The following C8orf34 variants were observed in gnomAD, a reference collection of about 807,000 sequenced individuals.
The protein encoded by C8orf34 is uncharacterized protein C8orf34.
In C8orf34, 65 loss-of-function variants were observed where a neutral mutation model predicts 68.3. The observed-to-expected ratio is 0.95, with a 90% CI of 0.78 to 1.17. The LOEUF is 1.17. C8orf34 is among the 50% of genes most tolerant of loss of function. C8orf34 has a pLI of 0.00. For missense variants in C8orf34, 664 were observed against 655.4 expected (o/e 1.01, Z -0.14); for synonymous variants, 244 against 241.2 (o/e 1.01, Z -0.11).
At chr8:68,700,960 C>T (rs182630660) in intron 8 of C8orf34, among the ~76,000 whole-genome samples, 12 of 152,120 alleles carry the variant, frequency 7.9e-5, no homozygotes, top group Non-Finnish European at 4.4e-5. Context: ...CGACTTTAGA[C>T]GAGAAAGATA....
chr8:68,372,235 G>A (rs1240490645), intron 1 of C8orf34, among the ~76,000 whole-genome samples: 1 of 152,150 alleles, frequency 6.6e-6, no homozygotes, highest in Non-Finnish European at 1.5e-5. Context: ...TCATTACAGA[G>A]AATTGATGGC....
chr8:68,745,187 A>C (rs886331266), intron 10 of C8orf34, among the ~76,000 whole-genome samples: 5 of 152,168 alleles, frequency 3.3e-5, no homozygotes, highest in African/African-American at 7.2e-5. Context: ...CAAATGCTGA[A>C]AGATTTTGTC....
At chr8:68,801,935 C>T (rs950786776) in intron 12 of C8orf34, among the ~76,000 whole-genome samples, 6 of 151,448 alleles carry the variant, frequency 4.0e-5, no homozygotes, top group African/African-American at 1.2e-4. Context: ...CTCTCTCACA[C>T]AGGCATGTGC....
chr8:68,787,210 G>C (rs1464096534), intron 11 of C8orf34, among the ~76,000 whole-genome samples: 1 of 152,062 alleles, frequency 6.6e-6, no homozygotes, highest in Non-Finnish European at 1.5e-5. Context: ...TACAGTTCAG[G>C]TGTTTCTTGA....
At chr8:68,635,635 C>T (rs773323346) in intron 7 of C8orf34, among the ~76,000 whole-genome samples, 1 of 152,144 alleles carries the variant, frequency 6.6e-6, no homozygotes, top group African/African-American at 2.4e-5. Context: ...CCATTTAGTA[C>T]AATGCTTCTG....
chr8:68,451,432 A>T (rs191084484), intron 3 of C8orf34, among the ~76,000 whole-genome samples: 2 of 152,256 alleles, frequency 1.3e-5, no homozygotes, highest in African/African-American at 4.8e-5. Flanking sequence ...GTCTTTCAAC[A>T]TGCTTTCCTC....
intron 1 of C8orf34, among the ~76,000 whole-genome samples, chr8:68,415,492 G>GA (rs1434828953): frequency 1.3e-5 from 2 of 149,906 alleles, no homozygotes; most frequent in Admixed American, 6.6e-5. Context: ...GGAAAAAAAA[G>GA]AAAAAAAAAG....
intron 7 of C8orf34, among the ~76,000 whole-genome samples, chr8:68,565,780 TAG>T (rs1816570124): frequency 1.3e-5 from 2 of 152,196 alleles, no homozygotes; most frequent in South Asian, 4.1e-4. Context: ...AAATGAGATT[TAG>T]AGAGTTTGCC....
intron 5 of C8orf34, among the ~76,000 whole-genome samples, chr8:68,504,351 T>C (rs1443888706): frequency 1.3e-5 from 2 of 152,210 alleles, no homozygotes; most frequent in Non-Finnish European, 2.9e-5. Flanking sequence ...TTGAGTTGTT[T>C]CTACTTTTCA....
At chr8:68,568,248 G>A (rs187159824) in intron 7 of C8orf34, among the ~76,000 whole-genome samples, 28 of 151,686 alleles carry the variant, frequency 1.8e-4, no homozygotes, top group African/African-American at 6.5e-4. Flanking sequence ...ACTAGAGTAG[G>A]ACTTAAAATT....
chr8:68,697,709 T>C (rs958159600), intron 8 of C8orf34, among the ~76,000 whole-genome samples: 2 of 152,108 alleles, frequency 1.3e-5, no homozygotes, highest in African/African-American at 4.8e-5. Context: ...GAGCTACTGA[T>C]TTCCTGACTC....
intron 7 of C8orf34, among the ~76,000 whole-genome samples, chr8:68,599,619 C>G (rs1407571230): frequency 1.3e-5 from 2 of 151,922 alleles, no homozygotes; most frequent in African/African-American, 2.4e-5. Context: ...TCCTCCCTCA[C>G]AGAATACACA....
chr8:68,717,115 C>T (rs1821496335), intron 9 of C8orf34, among the ~76,000 whole-genome samples: 1 of 151,978 alleles, frequency 6.6e-6, no homozygotes, highest in Non-Finnish European at 1.5e-5. Flanking sequence ...TTGGTTCTCC[C>T]ACTCTGGTAT....
rs559132547 is a variant in C8orf34 at position 68,474,549 on chromosome 8, G to A, written c.736+5729G>A. Among the ~76,000 whole-genome samples, 9 of 152,228 alleles carry A rather than the reference G, an allele frequency of 5.9e-5. No individual in the cohort carries two copies. In the East Asian group the frequency reaches 1.5e-3, roughly 26 times the overall value. On this transcript the variant is annotated intron_variant, in intron 4 of 13. Coordinates refer to ENST00000518698, the MANE Select transcript of C8orf34 (RefSeq NM_052958.4). ...TAGAAAAAAAAAGAGGACAGCCTCTGCCCTTATTGAGCTTATGGCTGTCTG... is the reference window on the plus strand; with the variant it reads ...TAGAAAAAAAAAGAGGACAGCCTCTACCCTTATTGAGCTTATGGCTGTCTG...
intron 9 of C8orf34, among the ~76,000 whole-genome samples, chr8:68,712,045 C>T (rs774800716): frequency 6.6e-6 from 1 of 152,054 alleles, no homozygotes; most frequent in Non-Finnish European, 1.5e-5. Context: ...CCTCCTTAAA[C>T]AAAACAATTA....
chr8:68,784,920 C>A (rs1823803239), intron 11 of C8orf34, among the ~76,000 whole-genome samples: 1 of 152,012 alleles, frequency 6.6e-6, no homozygotes, highest in Admixed American at 6.6e-5. Flanking sequence ...AATCATTTAT[C>A]CAGAAACCCT....
chr8:68,594,845 C>G (rs1184971675), intron 7 of C8orf34, among the ~76,000 whole-genome samples: 2 of 151,934 alleles, frequency 1.3e-5, no homozygotes, highest in African/African-American at 2.4e-5. Flanking sequence ...ATGTTCTGTT[C>G]TTTATTGCTT....
At chr8:68,523,458 A>G (rs1814843979) in intron 6 of C8orf34, among the ~76,000 whole-genome samples, 1 of 152,184 alleles carries the variant, frequency 6.6e-6, no homozygotes, top group African/African-American at 2.4e-5. Context: ...TCCCTTATCT[A>G]GAAAACTCAG....
At chr8:68,536,559 G>T (rs759142438) in intron 7 of C8orf34, among the ~76,000 whole-genome samples, 22 of 151,492 alleles carry the variant, frequency 1.5e-4, no homozygotes, top group Non-Finnish European at 2.5e-4. Flanking sequence ...TTTCAGTCAC[G>T]TTTTTGATTA....
Sources: gnomAD v4.1 joint callset for allele counts (sites outside exome capture counted in the v4.1 genomes callset) on GRCh38, gnomAD v4.1.1 for gene constraint, MANE v1.5 for transcripts, NCBI Gene and HGNC (gene_info 2026-07-23, HGNC 2026-07-21) for gene names.